The following SLC15A2 variants were observed in gnomAD, a reference collection of about 807,000 sequenced individuals.
SLC15A2 encodes solute carrier family 15 member 2.
Under a neutral mutation model 95.5 loss-of-function variants are expected in SLC15A2, and 77 were observed. That is an observed-to-expected ratio of 0.81 (90% CI 0.67 to 0.97). SLC15A2 has a LOEUF of 0.97. Ranked by LOEUF, SLC15A2 falls within the 50% of genes least tolerant of loss-of-function variation. The pLI is 0.00. For synonymous variants in SLC15A2, 306 were observed against 306.9 expected, an observed-to-expected ratio of 1.00 and a Z score of 0.03; for missense variants, 893 against 874.4, an observed-to-expected ratio of 1.02 and a Z score of -0.27.
Position 121,896,434 on chromosome 3 carries a change from G to A in SLC15A2, c.134G>A (p.Ser45Asn), listed in dbSNP as rs751420362. 1.2e-6 allele frequency: 2 copies of A among 1,613,998 alleles called. No homozygotes were observed. The highest frequency in any genetic ancestry group is 1.7e-5 in the Admixed American group (1 of 60,006). ...ATCTGTGGCTCCAACTATCCACTGA[G>A]CATTGCCTTCATTGTGGTGAATGAA... ...PTICGSNYPL[S>N]IAFIVVNEFC... Residue 45 changes from serine to asparagine, a missense_variant, in exon 2 of 22, where the codon AGC becomes AAC. Physicochemically the swap from Ser to Asn is conservative, Grantham distance 46. Transcript: ENST00000489711.
At chr3:121,911,813 G>T in intron 4 of SLC15A2, 147 bp downstream of exon 4, 2 of 636,828 alleles carry the variant, frequency 3.1e-6, no homozygotes, top group Non-Finnish European at 5.6e-6. Flanking sequence ...ATGACCAGTT[G>T]AACTCTTTCC....
At chr3:121,904,180 T>C (rs1709582646) in intron 3 of SLC15A2, among the ~76,000 whole-genome samples, 1 of 152,220 alleles carries the variant, frequency 6.6e-6, no homozygotes, top group Non-Finnish European at 1.5e-5. Context: ...AGAATGCTTG[T>C]GATTTTTGTA....
chr3:121,940,786 T>C, intron 21 of SLC15A2, 45 bp from the exon 22 acceptor site: 5 of 1,568,904 alleles, frequency 3.2e-6, no homozygotes, highest in South Asian at 1.2e-5. Context: ...ATCTCTTTAG[T>C]TTCAGGTTTC....
intron 5 of SLC15A2, 105 bp from the exon 6 acceptor site, chr3:121,915,122 T>C: frequency 2.7e-6 from 3 of 1,094,474 alleles, no homozygotes; most frequent in Non-Finnish European, 3.9e-6. Context: ...GGAGGCAATA[T>C]CTGAATCTTT....
At chr3:121,898,081 G>T (rs149048310) in intron 3 of SLC15A2, among the ~76,000 whole-genome samples, 2,719 of 151,660 alleles carry the variant, frequency 0.018, 39 homozygotes, top group Middle Eastern at 0.037. Flanking sequence ...AGAGTTGCTT[G>T]AATATGGGAG....
At chr3:121,924,538 C>A (rs144670000) in intron 12 of SLC15A2, among the ~76,000 whole-genome samples, 155 bp downstream of exon 12, 49 of 152,274 alleles carry the variant, frequency 3.2e-4, no homozygotes, top group African/African-American at 8.9e-4. Flanking sequence ...TTAAGCCCCA[C>A]CCTTCTCCTT....
chr3:121,934,710 T>C (rs915978052), intron 19 of SLC15A2, among the ~76,000 whole-genome samples: 11 of 152,150 alleles, frequency 7.2e-5, no homozygotes, highest in East Asian at 3.9e-4. Flanking sequence ...CGTCTGCAAA[T>C]AGGGACAATT....
chr3:121,930,043 CA>C (rs1015020146), intron 17 of SLC15A2, among the ~76,000 whole-genome samples: 4 of 152,046 alleles, frequency 2.6e-5, no homozygotes, highest in South Asian at 2.1e-4. Flanking sequence ...GAATATGCTT[CA>C]AAAAAAGTAA....
chr3:121,895,633 C>T (rs1484982652), intron 1 of SLC15A2, among the ~76,000 whole-genome samples: 1 of 152,148 alleles, frequency 6.6e-6, no homozygotes. Context: ...ACAGATACCT[C>T]TATGTCTCTT....
chr3:121,898,491 C>T (rs566506066), intron 3 of SLC15A2, among the ~76,000 whole-genome samples: 3 of 152,164 alleles, frequency 2.0e-5, no homozygotes, highest in African/African-American at 7.2e-5. Context: ...CGTGGTTATC[C>T]CCTGCCCAAT....
chr3:121,908,103 C>G lies in SLC15A2; in HGVS notation c.336-3471C>G, dbSNP rs769161136. Among the ~76,000 whole-genome samples, 10 of 152,362 alleles carry G rather than the reference C, an allele frequency of 6.6e-5. No individual in the cohort carries two copies. In the South Asian group the frequency reaches 8.3e-4, roughly 13 times the overall value. On this transcript the variant is annotated intron_variant, in intron 3 of 21. Coordinates refer to ENST00000489711, the MANE Select transcript of SLC15A2 (RefSeq NM_021082.4). Reference sequence around the variant, plus strand: ...CTCAGCAATGGCAGATGCCCCTCCCCCTACTAGGCTGCTGCCTCGTGGGTC... The same window carrying G: ...CTCAGCAATGGCAGATGCCCCTCCCGCTACTAGGCTGCTGCCTCGTGGGTC...
At chr3:121,907,780 T>G (rs915610844) in intron 3 of SLC15A2, among the ~76,000 whole-genome samples, 3 of 152,168 alleles carry the variant, frequency 2.0e-5, no homozygotes, top group Non-Finnish European at 4.4e-5. Context: ...TGTAATGAAG[T>G]GTCAGTTGGT....
At chr3:121,906,033 T>C (rs1257818593) in intron 3 of SLC15A2, among the ~76,000 whole-genome samples, 1 of 152,238 alleles carries the variant, frequency 6.6e-6, no homozygotes, top group Non-Finnish European at 1.5e-5. Flanking sequence ...TGGGTGCTCC[T>C]GTACTGGGTG....
chr3:121,939,319 A>C (rs764343372), intron 19 of SLC15A2, 30 bp from the exon 20 acceptor site: 1 of 1,456,400 alleles, frequency 6.9e-7, no homozygotes, highest in Non-Finnish European at 9.1e-7. Context: ...GACTACTGAC[A>C]AGTCCATTTC....
At chr3:121,927,260 GT>G (rs1356606283) in intron 13 of SLC15A2, among the ~76,000 whole-genome samples, 1 of 152,198 alleles carries the variant, frequency 6.6e-6, no homozygotes, top group East Asian at 1.9e-4. Context: ...GAATGATATG[GT>G]TTGAATATTT....
At chr3:121,928,300 G>A (rs1190721672) in intron 14 of SLC15A2, 121 bp from the exon 15 acceptor site, 2 of 1,232,486 alleles carry the variant, frequency 1.6e-6, no homozygotes, top group East Asian at 2.4e-5. Flanking sequence ...ATTTTTCAGA[G>A]GGAGAAAACT....
chr3:121,911,454 C>T (rs774754602), intron 3 of SLC15A2, 120 bp from the exon 4 acceptor site: 14 of 634,700 alleles, frequency 2.2e-5, no homozygotes, highest in Admixed American at 1.0e-4. Flanking sequence ...TAATTCTTTC[C>T]TCCTCCCTCC....
chr3:121,902,113 A>G (rs1471471493), intron 3 of SLC15A2, among the ~76,000 whole-genome samples: 1 of 152,344 alleles, frequency 6.6e-6, no homozygotes, highest in East Asian at 1.9e-4. Flanking sequence ...TCAGAGCTAC[A>G]TACAGGAAAG....
At chr3:121,936,453 A>G (rs554287440) in intron 19 of SLC15A2, among the ~76,000 whole-genome samples, 1 of 152,038 alleles carries the variant, frequency 6.6e-6, no homozygotes. Flanking sequence ...GTGCTCCTGT[A>G]TTGGGTGCAT....
Sources: gnomAD v4.1 joint callset for allele counts (sites outside exome capture counted in the v4.1 genomes callset) on GRCh38, gnomAD v4.1.1 for gene constraint, MANE v1.5 for transcripts, NCBI Gene and HGNC (gene_info 2026-07-23, HGNC 2026-07-21) for gene names.